The following EPB41L4A variants were observed in gnomAD, a reference collection of about 807,000 sequenced individuals.
EPB41L4A encodes erythrocyte membrane protein band 4.1 like 4A, also known as band 4.1-like protein 4A.
EPB41L4A carries 100 observed loss-of-function variants against 108.6 expected under a neutral mutation model. The observed-to-expected ratio is 0.92, with a 90% CI of 0.78 to 1.09. The LOEUF is 1.09. Among genes scored for constraint, EPB41L4A ranks in the 50% least tolerant of loss-of-function variants. The pLI, the probability that EPB41L4A is intolerant of heterozygous loss-of-function variation, is 0.00. For synonymous variants in EPB41L4A, 319 were observed against 289.0 expected (o/e 1.10, Z -1.05); for missense variants, 1,030 against 842.7 (o/e 1.22, Z -2.75).
intron 1 of EPB41L4A, among the ~76,000 whole-genome samples, chr5:112,416,494 T>C (rs190685719): frequency 8.9e-4 from 136 of 152,260 alleles, no homozygotes; most frequent in Non-Finnish European, 1.5e-3. Context: ...AGGAAATGCT[T>C]TTGAAAAATA....
At chr5:112,191,719 C>A (rs1456637754) in intron 17 of EPB41L4A, among the ~76,000 whole-genome samples, 1 of 151,044 alleles carries the variant, frequency 6.6e-6, no homozygotes, top group East Asian at 1.9e-4. Flanking sequence ...GCAGAGGGAG[C>A]AACATCCCAA....
intron 1 of EPB41L4A, among the ~76,000 whole-genome samples, chr5:112,329,293 T>A (rs1756394152): frequency 6.6e-6 from 1 of 152,226 alleles, no homozygotes; most frequent in Non-Finnish European, 1.5e-5. Context: ...CTGAAAATTT[T>A]AAAATTACAG....
At chr5:112,339,327 G>A (rs1322042785) in intron 1 of EPB41L4A, among the ~76,000 whole-genome samples, 2 of 151,830 alleles carry the variant, frequency 1.3e-5, no homozygotes, top group Non-Finnish European at 2.9e-5. Flanking sequence ...AAATAAACTG[G>A]CTCCATTATT....
chr5:112,150,152 A>G (rs1000303137), intron 12 of EPB41L4A, among the ~76,000 whole-genome samples: 2 of 152,220 alleles, frequency 1.3e-5, no homozygotes, highest in Non-Finnish European at 2.9e-5. Flanking sequence ...ACTTATGTGT[A>G]GTCTGAGTGC....
intron 1 of EPB41L4A, among the ~76,000 whole-genome samples, chr5:112,388,610 C>T (rs1232276057): frequency 1.3e-5 from 2 of 152,192 alleles, no homozygotes; most frequent in South Asian, 2.1e-4. Flanking sequence ...GTATGAAAAA[C>T]CTCAAATGCG....
At chr5:112,170,413 T>A in intron 19 of EPB41L4A, 44 bp from the exon 20 acceptor site, 1 of 1,239,946 alleles carries the variant, frequency 8.1e-7, no homozygotes, top group Non-Finnish European at 1.2e-6. Context: ...GGTGCTGGTA[T>A]AAATGCTAGT....
Position 112,250,418 on chromosome 5 carries a change from C to T in EPB41L4A, c.795+8811G>A, listed in dbSNP as rs568403548. On this transcript the variant is annotated intron_variant, in intron 9 of 22. Transcript: ENST00000261486. ...TTTCTGTGATAGTTTTCTATCTTCT[C>T]CTCATCTGTTTTGTAGTATTCCTAA... Among the ~76,000 whole-genome samples the T allele has an allele frequency of 6.6e-5, 10 of 152,192 alleles. No homozygotes were observed. In the South Asian group the frequency reaches 1.9e-3, roughly 28 times the overall value.
intron 12 of EPB41L4A, among the ~76,000 whole-genome samples, chr5:112,221,260 C>A (rs970052965): frequency 4.6e-5 from 7 of 152,176 alleles, no homozygotes; most frequent in Non-Finnish European, 7.3e-5. Context: ...AGCAAATTAT[C>A]CTTCCGGACA....
chr5:112,266,198 C>T (rs1391530800), intron 5 of EPB41L4A, 35 bp downstream of exon 5: 47 of 1,452,958 alleles, frequency 3.2e-5, no homozygotes, highest in Non-Finnish European at 4.4e-5. Flanking sequence ...TTTCTCCAGA[C>T]ATTTCTGAGG....
chr5:112,147,783 A>G (rs549178552), intron 12 of EPB41L4A, among the ~76,000 whole-genome samples: 1 of 152,228 alleles, frequency 6.6e-6, no homozygotes, highest in Non-Finnish European at 1.5e-5. Flanking sequence ...GGCTTTTGAT[A>G]AAAACAGGCC....
At chr5:112,384,415 A>G (rs752045716) in intron 1 of EPB41L4A, among the ~76,000 whole-genome samples, 5 of 152,222 alleles carry the variant, frequency 3.3e-5, no homozygotes, top group Non-Finnish European at 5.9e-5. Flanking sequence ...CAAAAAGTAT[A>G]TAACATTCGC....
chr5:112,302,638 T>C (rs931686590), intron 2 of EPB41L4A, among the ~76,000 whole-genome samples: 4 of 152,134 alleles, frequency 2.6e-5, no homozygotes, highest in Admixed American at 2.6e-4. Flanking sequence ...ACTCACTCAA[T>C]GCCACACAGC....
In EPB41L4A at chr5:112,307,291, C is replaced by A. The variant is rs1328815355; in HGVS notation, c.204+95G>T. 5.4e-5 allele frequency: 41 copies of A among 752,784 alleles called. 1 individual carries two copies. Among genetic ancestry groups the A allele is most frequent in the Admixed American group, 2.6e-4 (10 of 38,808 alleles). 46.6% of individuals were successfully genotyped at this position (752,784 alleles called of 1,614,324 possible). ...AGATTTTCAAAGTCTTTTTCAGTGA[C>A]AAAGAACCTAACCACCTAAAACCAT... is the stretch of plus-strand genomic sequence containing the variant. On this transcript the variant is annotated intron_variant, in intron 2 of 22. Transcript: ENST00000261486.
Position 112,270,713 on chromosome 5 carries a change from G to A in EPB41L4A, c.336-4383C>T, listed in dbSNP as rs77861136. 6.9e-3 allele frequency among the ~76,000 whole-genome samples: 1,053 copies of A among 152,278 alleles called. 12 individuals carry two copies. Among genetic ancestry groups the A allele is most frequent in the African/African-American group, 0.024 (999 of 41,558 alleles). On this transcript the variant is annotated intron_variant, in intron 4 of 22. Coordinates refer to ENST00000261486, the MANE Select transcript of EPB41L4A (RefSeq NM_022140.5). ...AGTGAAAGGAGGAGACAGGGACTCAGGAAGTAAGCATAGGACTGAAGGTCA... is the reference window on the plus strand; with the variant it reads ...AGTGAAAGGAGGAGACAGGGACTCAAGAAGTAAGCATAGGACTGAAGGTCA...
chr5:112,313,780 G>C (rs1755203618), intron 1 of EPB41L4A, among the ~76,000 whole-genome samples: 1 of 150,578 alleles, frequency 6.6e-6, no homozygotes. Context: ...GGAATATAGT[G>C]ATGAGCTGTT....
At chr5:112,262,835 A>G (rs1415387337) in intron 6 of EPB41L4A, among the ~76,000 whole-genome samples, 3 of 152,218 alleles carry the variant, frequency 2.0e-5, no homozygotes, top group African/African-American at 7.2e-5. Context: ...CCCAGCATAT[A>G]TTAAAAATTC....
intron 6 of EPB41L4A, among the ~76,000 whole-genome samples, chr5:112,263,138 T>C (rs1751610568): frequency 6.6e-6 from 1 of 152,176 alleles, no homozygotes; most frequent in Admixed American, 6.5e-5. Flanking sequence ...CTTCCCAAAA[T>C]CTTCATTGGT....
At chr5:112,289,301 T>C (rs1184913810) in intron 2 of EPB41L4A, among the ~76,000 whole-genome samples, 2 of 152,182 alleles carry the variant, frequency 1.3e-5, no homozygotes, top group Non-Finnish European at 2.9e-5. Flanking sequence ...CTTCATAATA[T>C]TTGCATTTTA....
chr5:112,336,036 C>G (rs942490613), intron 1 of EPB41L4A, among the ~76,000 whole-genome samples: 10 of 152,134 alleles, frequency 6.6e-5, no homozygotes, highest in African/African-American at 1.9e-4. Flanking sequence ...TTCCCTACAC[C>G]AGGCAAGGAA....
Sources: gnomAD v4.1 joint callset for allele counts (sites outside exome capture counted in the v4.1 genomes callset) on GRCh38, gnomAD v4.1.1 for gene constraint, MANE v1.5 for transcripts, NCBI Gene and HGNC (gene_info 2026-07-23, HGNC 2026-07-21) for gene names.